MFHAS1: variants seen among roughly 807,000 people sequenced by gnomAD.
MFHAS1 encodes the protein malignant fibrous histiocytoma-amplified sequence 1.
A neutral mutation model predicts 70.4 loss-of-function variants in MFHAS1; 50 were observed. The observed-to-expected ratio is 0.71, with a 90% confidence interval of 0.57 to 0.90. The LOEUF (loss-of-function observed/expected upper bound fraction) is 0.90. MFHAS1 is among the 40% of genes least tolerant of loss of function. The pLI, the probability that MFHAS1 is intolerant of heterozygous loss-of-function variation, is 0.00. For synonymous variants in MFHAS1, 952 were observed against 620.0 expected (o/e 1.54, Z -7.96); for missense variants, 1,795 against 1,347.6 (o/e 1.33, Z -5.20).
At chr8:8,871,707 G>T (rs1809081426) in intron 1 of MFHAS1, among the ~76,000 whole-genome samples, 2 of 152,216 alleles carry the variant, frequency 1.3e-5, no homozygotes, top group Non-Finnish European at 2.9e-5. Context: ...GAGGCCAAGT[G>T]GCTTCCCAGA....
intron 1 of MFHAS1, among the ~76,000 whole-genome samples, chr8:8,889,035 A>AC (rs1329458317): frequency 1.3e-5 from 2 of 151,692 alleles, no homozygotes; most frequent in African/African-American, 4.8e-5. Flanking sequence ...GTCTTCAAAA[A>AC]AAAAAAAAAC....
At chr8:8,799,164 A>G (rs990164495) in intron 1 of MFHAS1, among the ~76,000 whole-genome samples, 6 of 152,204 alleles carry the variant, frequency 3.9e-5, no homozygotes, top group Admixed American at 2.0e-4. Context: ...AACCGAGGAC[A>G]GTACCGAAGA....
chr8:8,812,865 C>A (rs1585029270), intron 1 of MFHAS1, among the ~76,000 whole-genome samples: 2 of 152,256 alleles, frequency 1.3e-5, no homozygotes, highest in South Asian at 4.1e-4. Flanking sequence ...CTCCTGGGTT[C>A]AAGCGATTCT....
intron 1 of MFHAS1, among the ~76,000 whole-genome samples, chr8:8,867,547 A>G (rs1194268950): frequency 3.3e-5 from 5 of 152,108 alleles, no homozygotes; most frequent in African/African-American, 1.2e-4. Context: ...TAATTCAAAC[A>G]TTATAAATTG....
At chr8:8,838,737 G>C (rs1215286075) in intron 1 of MFHAS1, among the ~76,000 whole-genome samples, 4 of 151,758 alleles carry the variant, frequency 2.6e-5, no homozygotes, top group African/African-American at 9.7e-5. Context: ...CGGTTGAACT[G>C]GGAGGCAGAG....
intron 1 of MFHAS1, among the ~76,000 whole-genome samples, chr8:8,851,818 A>G (rs1229152381): frequency 2.0e-5 from 3 of 152,240 alleles, no homozygotes; most frequent in Admixed American, 6.5e-5. Flanking sequence ...AAAAAGAGGA[A>G]GTTGTGATGC....
At position 8,802,487 on chromosome 8, in the gene MFHAS1, G is replaced by A. The variant is rs981291269; in HGVS notation, c.2999-4996C>T. ...ACAAGCGCATGTGAGGACATGGCGA[G>A]AAGACACCATATGTGAATGAGAAAC... is the stretch of plus-strand genomic sequence containing the variant. On this transcript the variant is annotated intron_variant, in intron 1 of 2. Transcript: ENST00000276282. Among the ~76,000 whole-genome samples, 3 of 152,196 alleles carry A rather than the reference G, an allele frequency of 2.0e-5. No individual in the cohort carries two copies. The South Asian group carries it at 6.2e-4, about 31-fold the overall frequency.
intron 1 of MFHAS1, among the ~76,000 whole-genome samples, chr8:8,810,631 C>T (rs987090186): frequency 3.3e-5 from 5 of 152,148 alleles, no homozygotes; most frequent in African/African-American, 7.2e-5. Context: ...CTTAGTTTAT[C>T]GTAAGAGCAC....
intron 1 of MFHAS1, among the ~76,000 whole-genome samples, chr8:8,835,853 G>A (rs1807576018): frequency 6.6e-6 from 1 of 152,186 alleles, no homozygotes; most frequent in Non-Finnish European, 1.5e-5. Context: ...CCCGCTGCCT[G>A]TTCTTGTAAA....
intron 1 of MFHAS1, among the ~76,000 whole-genome samples, chr8:8,864,487 A>G (rs190300298): frequency 6.6e-6 from 1 of 152,238 alleles, no homozygotes; most frequent in Admixed American, 6.5e-5. Context: ...CATATCCTAA[A>G]TATTCTTATG....
intron 1 of MFHAS1, among the ~76,000 whole-genome samples, chr8:8,884,562 G>A (rs1809676155): frequency 1.3e-5 from 2 of 152,226 alleles, no homozygotes. Flanking sequence ...CAATGGGAAT[G>A]CTGGAGGAAC....
chr8:8,848,397 GAAAA>G (rs11362070), intron 1 of MFHAS1, among the ~76,000 whole-genome samples: 15 of 131,048 alleles, frequency 1.1e-4, no homozygotes, highest in African/African-American at 3.6e-4. Context: ...TAAAGAGGAA[GAAAA>G]AAAAAAAAAA....
chr8:8,891,405 G>A lies in MFHAS1; in HGVS notation c.1654C>T (p.Leu552=). 6.2e-7 allele frequency: 1 copy of A among 1,612,612 alleles called. No homozygotes were observed. Among genetic ancestry groups the A allele is most frequent in the Non-Finnish European group, 8.5e-7 (1 of 1,180,024 alleles). The change falls in exon 1 of 3, where the codon CTG becomes TTG. Residue 552 remains leucine, a synonymous_variant. Coordinates refer to ENST00000276282, the MANE Select transcript of MFHAS1 (RefSeq NM_004225.3). This position sits in a 1 kb window ranked among gnomAD's most constrained non-coding sequence, Gnocchi z 5.4. The part of the protein sequence containing the change: ...CGERELEEKC[L]DIHRQIALQE... ...AGGGCGATCTGGCGGTGAATGTCCA[G>A]ACATTTCTCCTCCAGCTCACGCTCT...
chr8:8,864,106 G>A (rs1162732338), intron 1 of MFHAS1, among the ~76,000 whole-genome samples: 2 of 152,192 alleles, frequency 1.3e-5, no homozygotes, highest in South Asian at 2.1e-4. Context: ...TTGAGACTGA[G>A]CTCCCATCTC....
intron 1 of MFHAS1, among the ~76,000 whole-genome samples, chr8:8,852,128 C>G (rs569245074): frequency 5.9e-5 from 9 of 152,120 alleles, no homozygotes; most frequent in Admixed American, 5.2e-4. Context: ...CTCCAGAGAG[C>G]TGAGGTTTCA....
intron 1 of MFHAS1, among the ~76,000 whole-genome samples, chr8:8,873,416 T>C (rs1809164187): frequency 6.6e-6 from 1 of 151,922 alleles, no homozygotes; most frequent in Admixed American, 6.6e-5. Context: ...GAAATAAATA[T>C]ATACGTCATT....
At chr8:8,817,683 G>C (rs925433780) in intron 1 of MFHAS1, among the ~76,000 whole-genome samples, 3 of 152,256 alleles carry the variant, frequency 2.0e-5, no homozygotes, top group African/African-American at 4.8e-5. Context: ...TTTCGTGGAA[G>C]ATGATTTTTC....
intron 2 of MFHAS1, among the ~76,000 whole-genome samples, chr8:8,787,348 G>A (rs914424411): frequency 2.6e-5 from 4 of 152,094 alleles, no homozygotes; most frequent in African/African-American, 7.2e-5. Flanking sequence ...CCAAAGTACT[G>A]GGATTACAGG....
At chr8:8,834,780 T>C (rs553421743) in intron 1 of MFHAS1, among the ~76,000 whole-genome samples, 92 of 152,332 alleles carry the variant, frequency 6.0e-4, no homozygotes, top group African/African-American at 2.1e-3. Context: ...CAAAACATTA[T>C]GCTAAGTAGA....
Sources: allele counts gnomAD v4.1 joint callset (sites outside exome capture counted in the v4.1 genomes callset), GRCh38; gene constraint gnomAD v4.1.1; non-coding constraint Gnocchi (gnomAD v3.1); transcripts MANE v1.5; gene names NCBI Gene and HGNC (gene_info 2026-07-23, HGNC 2026-07-21).